IL21: variants seen among roughly 807,000 people sequenced by gnomAD.
The protein encoded by IL21 is interleukin-21.
IL21 carries 3 observed loss-of-function variants against 18.4 expected under a neutral mutation model. That is an observed-to-expected ratio of 0.16 (90% CI 0.07 to 0.42). The LOEUF (loss-of-function observed/expected upper bound fraction) is 0.42, where lower values mean the gene tolerates loss of function less well. IL21 is among the 10% of genes least tolerant of loss of function. The pLI, the probability that IL21 is intolerant of heterozygous loss-of-function variation, is 0.99. For synonymous variants in IL21, 37 were observed against 62.0 expected (o/e 0.60, Z 1.90); for missense variants, 130 against 188.4 (o/e 0.69, Z 1.81).
rs1799257095 is a variant in IL21, at chr4:122,611,027, A to T, written c.*1683T>A. Among the ~76,000 whole-genome samples the T allele has an allele frequency of 6.6e-6, 1 of 152,240 alleles. No homozygotes were observed. The highest frequency in any genetic ancestry group is 2.4e-5 in the African/African-American group (1 of 41,474). Reference sequence around the variant, plus strand: ...TTTTTAACAATAAACATGCCAAAAGAAATACATTATTTTAAATATGAAATA... The same window carrying T: ...TTTTTAACAATAAACATGCCAAAAGTAATACATTATTTTAAATATGAAATA... On this transcript the variant is annotated 3_prime_UTR_variant, in exon 5 of 5. Transcript: ENST00000648588.
At position 122,611,203 on chromosome 4, in the gene IL21, T is replaced by A. The variant is rs549960537; in HGVS notation, c.*1507A>T. Among the ~76,000 whole-genome samples, 2 of 152,322 alleles carry A rather than the reference T, an allele frequency of 1.3e-5. No individual in the cohort carries two copies. The highest frequency in any genetic ancestry group is 6.5e-5 in the Admixed American group (1 of 15,298). On this transcript the variant is annotated 3_prime_UTR_variant, in exon 5 of 5. Coordinates refer to ENST00000648588, the MANE Select transcript of IL21 (RefSeq NM_021803.4). Reference sequence around the variant, plus strand: ...GGCACATTTTAGATATATATTATCATCATCAGGCACATAATTCCTTTGTCA... The same window carrying A: ...GGCACATTTTAGATATATATTATCAACATCAGGCACATAATTCCTTTGTCA...
In IL21 at chr4:122,620,668, T is replaced by C. The variant is rs777589433; in HGVS notation, c.204+33A>G. ...ATTGGATTTAAAAACTTATGTCCAATGTATTTTCAGAAATAAATTCAACTG... is the reference window on the plus strand; with the variant it reads ...ATTGGATTTAAAAACTTATGTCCAACGTATTTTCAGAAATAAATTCAACTG... On this transcript the variant is annotated intron_variant, in intron 2 of 4. Transcript: ENST00000648588. The C allele has an allele frequency of 2.5e-6, 4 of 1,591,546 alleles. No homozygotes were observed. In the African/African-American group the frequency reaches 5.4e-5, roughly 21 times the overall value.
In IL21 at chr4:122,612,231, TAA is replaced by T. The variant is rs566583423; in HGVS notation, c.*477_*478del. Among the ~76,000 whole-genome samples the T allele has an allele frequency of 2.2e-4, 34 of 152,126 alleles. No homozygotes were observed. In the South Asian group the frequency reaches 3.7e-3, roughly 17 times the overall value. The stretch of plus-strand genomic sequence containing the variant: ...TGAGATTTAAAAAACTATTCAGATA[TAA>T]GTTTTTAAACACTCAGTTTTCATTT... On this transcript the variant is annotated 3_prime_UTR_variant, in exon 5 of 5. Transcript: ENST00000648588.
At chr4:122,617,701 C>A (rs370295330) in intron 2 of IL21, among the ~76,000 whole-genome samples, 54 of 152,296 alleles carry the variant, frequency 3.5e-4, no homozygotes, top group African/African-American at 1.3e-3. Flanking sequence ...GCTGTGCTTC[C>A]TCTCCCACCC....
In IL21 at chr4:122,611,080, A is replaced by T. The variant is rs1260412118; in HGVS notation, c.*1630T>A. ...ATATCCAAGAAGTTAATAGCTATACATTCAGAAACAAGAAATACAGATTCC... is the reference window on the plus strand; with the variant it reads ...ATATCCAAGAAGTTAATAGCTATACTTTCAGAAACAAGAAATACAGATTCC... On this transcript the variant is annotated 3_prime_UTR_variant, in exon 5 of 5. Transcript: ENST00000648588. Among the ~76,000 whole-genome samples the T allele has an allele frequency of 1.3e-5, 2 of 152,230 alleles. No homozygotes were observed. Among genetic ancestry groups the T allele is most frequent in the Non-Finnish European group, 1.5e-5 (1 of 68,032 alleles).
Position 122,620,878 on chromosome 4 carries a change from A to G in IL21, c.134T>C (p.Ile45Thr), listed in dbSNP as rs766704559. The change falls in exon 1 of 5, where the codon ATT becomes ACT. Residue 45 changes from isoleucine to threonine, a missense_variant. Coordinates refer to ENST00000648588, the MANE Select transcript of IL21 (RefSeq NM_021803.4). ...CACATAATTTTTCAGCTGATCAACA[A>G]TATCTATAAGTTGACGCATTCTAAT... ...HMIRMRQLIDIVDQLKNYVND... is the reference protein window; with the variant it reads ...HMIRMRQLIDTVDQLKNYVND... 1.2e-5 allele frequency: 19 copies of G among 1,613,950 alleles called. No individual in the cohort carries two copies. Among genetic ancestry groups the G allele is most frequent in the Admixed American group, 3.3e-5 (2 of 59,998 alleles).
intron 2 of IL21, among the ~76,000 whole-genome samples, chr4:122,617,189 A>G (rs1050880197): frequency 6.6e-6 from 1 of 152,216 alleles, no homozygotes. Context: ...TCATAAGGGC[A>G]AGGTGGTGTC....
intron 2 of IL21, among the ~76,000 whole-genome samples, chr4:122,618,832 G>T (rs1201770549): frequency 8.8e-6 from 1 of 114,072 alleles, no homozygotes; most frequent in African/African-American, 3.0e-5. Flanking sequence ...AAAAAAAAAA[G>T]GATTACCTTT....
At chr4:122,615,583 C>A in intron 3 of IL21, 99 bp downstream of exon 3, 1 of 1,053,008 alleles carries the variant, frequency 9.5e-7, no homozygotes. Context: ...GTAAGGAAGA[C>A]ACCAGCAGCC....
chr4:122,615,298 G>A (rs1282591358), intron 3 of IL21, among the ~76,000 whole-genome samples: 1 of 152,194 alleles, frequency 6.6e-6, no homozygotes, highest in East Asian at 1.9e-4. Flanking sequence ...AAGGCGGGCG[G>A]ATCACGGGGT....
rs891674168 is a variant in IL21, at chr4:122,610,593, A to C, written c.*2117T>G. 6.6e-6 allele frequency among the ~76,000 whole-genome samples: 1 copy of C among 152,232 alleles called. No individual in the cohort carries two copies. The highest frequency in any genetic ancestry group is 1.5e-5 in the Non-Finnish European group (1 of 68,038). ...AGACATTTAAAGCTTTAAAAAAGAAAGAATAGACATTAGAGATTAAGTCCA... is the reference window on the plus strand; with the variant it reads ...AGACATTTAAAGCTTTAAAAAAGAACGAATAGACATTAGAGATTAAGTCCA... On this transcript the variant is annotated 3_prime_UTR_variant, in exon 5 of 5. Coordinates refer to ENST00000648588, the MANE Select transcript of IL21 (RefSeq NM_021803.4).
At chr4:122,614,396 A>C (rs868717619) in intron 3 of IL21, among the ~76,000 whole-genome samples, 18 of 152,078 alleles carry the variant, frequency 1.2e-4, no homozygotes, top group East Asian at 1.9e-4. Flanking sequence ...ATGTTTTTGG[A>C]GGCAAAAGAA....
At position 122,620,913 on chromosome 4, in the gene IL21, A is replaced by G. The variant is rs753394285; in HGVS notation, c.99T>C (p.Asp33=). Residue 33 remains aspartate, a synonymous_variant, in exon 1 of 5, where the codon GAT becomes GAC. Coordinates refer to ENST00000648588, the MANE Select transcript of IL21 (RefSeq NM_021803.4). ...LVHKSSSQGQ[D]RHMIRMRQLI... is the part of the protein sequence containing the mutation. Reference sequence around the variant, plus strand: ...GTTGACGCATTCTAATCATGTGGCGATCTTGACCTTGGGAGCTTGATTTGT... The same window carrying G: ...GTTGACGCATTCTAATCATGTGGCGGTCTTGACCTTGGGAGCTTGATTTGT... 3 of 1,614,106 alleles carry G rather than the reference A, an allele frequency of 1.9e-6. No individual in the cohort carries two copies. The highest frequency in any genetic ancestry group is 2.5e-6 in the Non-Finnish European group (3 of 1,179,974).
intron 3 of IL21, among the ~76,000 whole-genome samples, chr4:122,613,937 A>G (rs925541911): frequency 6.6e-6 from 1 of 152,182 alleles, no homozygotes; most frequent in African/African-American, 2.4e-5. Context: ...ACAGTTTTTC[A>G]TATATGGATT....
intron 2 of IL21, 58 bp downstream of exon 2, chr4:122,620,643 A>C (rs924000401): frequency 1.4e-6 from 2 of 1,437,650 alleles, no homozygotes; most frequent in African/African-American, 1.4e-5. Flanking sequence ...TGTCTTTCTT[A>C]TTGGATTTAA....
At chr4:122,614,844 C>G (rs570173208) in intron 3 of IL21, among the ~76,000 whole-genome samples, 47 of 152,128 alleles carry the variant, frequency 3.1e-4, no homozygotes, top group Non-Finnish European at 6.0e-4. Flanking sequence ...CTCCTAAAAG[C>G]TTGGGACTGT....
In IL21 at chr4:122,611,974, T is replaced by A. The variant is rs978388656; in HGVS notation, c.*736A>T. Among the ~76,000 whole-genome samples, 58 of 152,178 alleles carry A rather than the reference T, an allele frequency of 3.8e-4. No homozygotes were observed. Among genetic ancestry groups the A allele is most frequent in the African/African-American group, 1.3e-3 (53 of 41,546 alleles). ...GTCCCTCTATAGGTTTAAATTGCCA[T>A]TTCCACAAGCTTAAAATGTTAGCTT... On this transcript the variant is annotated 3_prime_UTR_variant, in exon 5 of 5. Coordinates refer to ENST00000648588, the MANE Select transcript of IL21 (RefSeq NM_021803.4).
In IL21 at chr4:122,611,967, A is replaced by G. The variant is rs1799268177; in HGVS notation, c.*743T>C. Among the ~76,000 whole-genome samples, 1 of 152,136 alleles carries G rather than the reference A, an allele frequency of 6.6e-6. No individual in the cohort carries two copies. Among genetic ancestry groups the G allele is most frequent in the Non-Finnish European group, 1.5e-5 (1 of 67,988 alleles). On this transcript the variant is annotated 3_prime_UTR_variant, in exon 5 of 5. Coordinates refer to ENST00000648588, the MANE Select transcript of IL21 (RefSeq NM_021803.4). ...GGCATATGTCCCTCTATAGGTTTAA[A>G]TTGCCATTTCCACAAGCTTAAAATG...
chr4:122,615,880 CA>C, intron 2 of IL21, 43 bp from the exon 3 acceptor site: 1 of 1,519,574 alleles, frequency 6.6e-7, no homozygotes, highest in Non-Finnish European at 9.0e-7. Context: ...AAACATTATT[CA>C]GAAAGTAAAA....
Sources: allele counts gnomAD v4.1 joint callset (sites outside exome capture counted in the v4.1 genomes callset), GRCh38; gene constraint gnomAD v4.1.1; transcripts MANE v1.5; gene names NCBI Gene and HGNC (gene_info 2026-07-23, HGNC 2026-07-21).